PACRG: variants seen among roughly 807,000 people sequenced by gnomAD.
PACRG encodes the protein parkin coregulated gene protein.
In PACRG, 29 loss-of-function variants were observed where a neutral mutation model predicts 29.7. The observed-to-expected ratio is 0.98, with a 90% CI of 0.73 to 1.33. The LOEUF is 1.33. PACRG is among the 40% of genes most tolerant of loss of function. The pLI is 0.00. For synonymous variants in PACRG, 116 were observed against 118.7 expected (o/e 0.98, Z 0.15); for missense variants, 279 against 316.2 (o/e 0.88, Z 0.89).
intron 2 of PACRG, among the ~76,000 whole-genome samples, chr6:162,984,732 G>GTTT (rs1802730374): frequency 6.6e-6 from 1 of 151,750 alleles, no homozygotes; most frequent in Admixed American, 6.6e-5. Flanking sequence ...TTGTATTGTG[G>GTTT]TTTTGATTTG....
intron 3 of PACRG, among the ~76,000 whole-genome samples, chr6:163,083,581 T>C (rs1321140531): frequency 6.6e-6 from 1 of 152,182 alleles, no homozygotes; most frequent in Non-Finnish European, 1.5e-5. Flanking sequence ...AACTGAGACC[T>C]GTCTCAGATT....
chr6:163,126,205 C>T (rs1029689962), intron 4 of PACRG, among the ~76,000 whole-genome samples: 14 of 152,292 alleles, frequency 9.2e-5, no homozygotes, highest in South Asian at 8.3e-4. Context: ...TGCCAAATGA[C>T]GCTTTCATTT....
intron 4 of PACRG, among the ~76,000 whole-genome samples, chr6:163,139,804 C>T (rs1817081593): frequency 6.6e-6 from 1 of 152,208 alleles, no homozygotes; most frequent in African/African-American, 2.4e-5. Flanking sequence ...CTAGTTCCAA[C>T]AATTTTCCCA....
chr6:162,832,315 T>G (rs1283222764), intron 2 of PACRG, among the ~76,000 whole-genome samples: 1 of 152,238 alleles, frequency 6.6e-6, no homozygotes, highest in Non-Finnish European at 1.5e-5. Flanking sequence ...TGTCTTCTTT[T>G]GAGAAATGTC....
At chr6:163,296,046 C>G (rs1402555224) in intron 4 of PACRG, among the ~76,000 whole-genome samples, 1 of 152,186 alleles carries the variant, frequency 6.6e-6, no homozygotes, top group South Asian at 2.1e-4. Context: ...AGGCTGTCTT[C>G]ATACCGCAGC....
chr6:162,867,648 G>A (rs1792413205), intron 2 of PACRG, among the ~76,000 whole-genome samples: 1 of 152,194 alleles, frequency 6.6e-6, no homozygotes, highest in South Asian at 2.1e-4. Context: ...CAAGAAAAAT[G>A]TATTTCTCCT....
chr6:162,747,374 ATATATG>A (rs1562556662), intron 1 of PACRG, among the ~76,000 whole-genome samples: 2 of 69,306 alleles, frequency 2.9e-5, no homozygotes, highest in Non-Finnish European at 5.3e-5. Context: ...ACACATACAT[ATATATG>A]TATATATATG....
intron 4 of PACRG, among the ~76,000 whole-genome samples, chr6:163,154,380 A>G (rs1240667027): frequency 6.6e-6 from 1 of 152,234 alleles, no homozygotes; most frequent in Non-Finnish European, 1.5e-5. Context: ...CTGTCTTGGC[A>G]GCTCCAGGAG....
At chr6:162,778,012 T>G (rs1783781313) in intron 1 of PACRG, among the ~76,000 whole-genome samples, 1 of 152,166 alleles carries the variant, frequency 6.6e-6, no homozygotes, top group Non-Finnish European at 1.5e-5. Context: ...TAACCGACAC[T>G]ATTCAGGCCT....
At chr6:162,795,953 C>G (rs1785347914) in intron 1 of PACRG, among the ~76,000 whole-genome samples, 1 of 152,070 alleles carries the variant, frequency 6.6e-6, no homozygotes, top group African/African-American at 2.4e-5. Flanking sequence ...TACTAAGTTT[C>G]TATGTTACTT....
At chr6:162,842,152 G>T in intron 2 of PACRG, among the ~76,000 whole-genome samples, 1 of 149,246 alleles carries the variant, frequency 6.7e-6, no homozygotes, top group African/African-American at 2.5e-5. Flanking sequence ...GGGTATCCTT[G>T]TTGACTTTCT....
intron 4 of PACRG, among the ~76,000 whole-genome samples, chr6:163,293,299 C>T (rs141452271): frequency 6.6e-6 from 1 of 152,320 alleles, no homozygotes; most frequent in East Asian, 1.9e-4. Context: ...TGTGCACGTG[C>T]CAGAGTAAGC....
At chr6:163,174,238 A>T (rs1255040883) in intron 4 of PACRG, among the ~76,000 whole-genome samples, 2 of 152,244 alleles carry the variant, frequency 1.3e-5, no homozygotes, top group East Asian at 1.9e-4. Context: ...TTGCAAAAAA[A>T]ATCTCATAAT....
chr6:162,727,491 C>A (rs1040071219), upstream of PACRG, among the ~76,000 whole-genome samples: 14 of 152,080 alleles, frequency 9.2e-5, no homozygotes, highest in Non-Finnish European at 1.9e-4. Flanking sequence ...GGCCCCGGAC[C>A]CGCGTCGCTG....
chr6:163,084,178 C>T (rs1813328158), intron 3 of PACRG, among the ~76,000 whole-genome samples: 1 of 152,066 alleles, frequency 6.6e-6, no homozygotes, highest in Non-Finnish European at 1.5e-5. Flanking sequence ...TTTTCAAAAC[C>T]TTAAATCTTG....
intron 4 of PACRG, among the ~76,000 whole-genome samples, chr6:163,196,330 T>G (rs1780452020): frequency 6.6e-6 from 1 of 152,188 alleles, no homozygotes; most frequent in Admixed American, 6.5e-5. Context: ...ACCCAAATGT[T>G]AAAGTGACCT....
chr6:162,789,370 ATTTCT>A (rs1452299655), intron 1 of PACRG, among the ~76,000 whole-genome samples: 1 of 152,126 alleles, frequency 6.6e-6, no homozygotes, highest in Non-Finnish European at 1.5e-5. Flanking sequence ...AAATATATAA[ATTTCT>A]TTTATTTAGT....
intron 4 of PACRG, chr6:163,165,291 G>C (rs916982150): frequency 6.6e-6 from 1 of 152,468 alleles, no homozygotes; most frequent in African/African-American, 2.4e-5. Flanking sequence ...CGCTGCCTGC[G>C]CAGGAAACGG....
intron 4 of PACRG, among the ~76,000 whole-genome samples, chr6:163,308,408 G>C (rs1785272860): frequency 6.6e-6 from 1 of 152,224 alleles, no homozygotes. Flanking sequence ...GCTCACGCCT[G>C]TGATCCCAGC....
Sources: allele counts gnomAD v4.1 joint callset (sites outside exome capture counted in the v4.1 genomes callset), GRCh38; gene constraint gnomAD v4.1.1; transcripts MANE v1.5; gene names NCBI Gene and HGNC (gene_info 2026-07-23, HGNC 2026-07-21).